Variants in B3GALT1 observed in about 807,000 individuals in gnomAD.
B3GALT1 encodes the protein UDP-Gal:betaGlcNAc beta 1,3-galactosyltransferase, polypeptide 1.
B3GALT1 carries 10 observed loss-of-function variants against 23.2 expected under a neutral mutation model. The ratio of observed to expected loss-of-function variants is 0.43; its 90% CI spans 0.27 to 0.73. The LOEUF (loss-of-function observed/expected upper bound fraction) is 0.73, where lower values mean the gene tolerates loss of function less well. Ranked by LOEUF, B3GALT1 falls within the 30% of genes least tolerant of loss-of-function variation. The pLI is 0.21. For synonymous variants in B3GALT1, 156 were observed against 141.5 expected (o/e 1.10, Z -0.73); for missense variants, 299 against 405.4 (o/e 0.74, Z 2.25).
intron 3 of B3GALT1, among the ~76,000 whole-genome samples, chr2:167,690,983 A>T (rs1326404934): frequency 6.6e-6 from 1 of 152,166 alleles, no homozygotes; most frequent in African/African-American, 2.4e-5. Context: ...CATAGTTTTT[A>T]AACGGGAAAT....
intron 1 of B3GALT1, among the ~76,000 whole-genome samples, chr2:167,318,937 A>T (rs1234424426): frequency 6.6e-6 from 1 of 152,170 alleles, no homozygotes; most frequent in Non-Finnish European, 1.5e-5. Flanking sequence ...GCAGGGGCCC[A>T]TTCCCTGAGG....
At chr2:167,729,347 A>G (rs900157448) in intron 3 of B3GALT1, among the ~76,000 whole-genome samples, 12 of 152,200 alleles carry the variant, frequency 7.9e-5, no homozygotes, top group African/African-American at 2.7e-4. Context: ...ACTCATTACT[A>G]TGCTTCCCCT....
intron 1 of B3GALT1, among the ~76,000 whole-genome samples, chr2:167,301,901 G>A (rs1266714337): frequency 6.6e-6 from 1 of 152,094 alleles, no homozygotes; most frequent in Non-Finnish European, 1.5e-5. Flanking sequence ...AATAGCAGAA[G>A]GGAAAAATGT....
chr2:167,601,303 T>G (rs1051984130), intron 2 of B3GALT1, among the ~76,000 whole-genome samples: 4 of 152,148 alleles, frequency 2.6e-5, no homozygotes, highest in Non-Finnish European at 2.9e-5. Context: ...TGCTTTGGCC[T>G]CCCAAAGTGC....
chr2:167,606,975 A>G (rs1684971810), intron 2 of B3GALT1, among the ~76,000 whole-genome samples: 1 of 152,162 alleles, frequency 6.6e-6, no homozygotes, highest in Non-Finnish European at 1.5e-5. Flanking sequence ...ACATGAAGGC[A>G]TGGAGGTGGA....
At chr2:167,591,766 C>T (rs1684686512) in intron 2 of B3GALT1, among the ~76,000 whole-genome samples, 1 of 152,090 alleles carries the variant, frequency 6.6e-6, no homozygotes, top group South Asian at 2.1e-4. Context: ...AGCCACTGCA[C>T]CTGGCCTGAC....
At chr2:167,670,740 A>T (rs1349866598) in intron 3 of B3GALT1, among the ~76,000 whole-genome samples, 1 of 152,210 alleles carries the variant, frequency 6.6e-6, no homozygotes, top group African/African-American at 2.4e-5. Flanking sequence ...TCTGAAGCTG[A>T]AAAATAGAGT....
chr2:167,403,391 A>G (rs183942409), intron 1 of B3GALT1, among the ~76,000 whole-genome samples: 111 of 151,928 alleles, frequency 7.3e-4, no homozygotes, highest in Admixed American at 7.3e-3. Flanking sequence ...CATGGTGTGT[A>G]TGTGCCACGT....
chr2:167,846,261 T>G (rs1448601032), intron 4 of B3GALT1, among the ~76,000 whole-genome samples: 1 of 152,090 alleles, frequency 6.6e-6, no homozygotes, highest in East Asian at 1.9e-4. Context: ...TCCTGGAAAT[T>G]GATCGCAGAA....
rs77892275 is a variant in B3GALT1 at position 167,418,408 on chromosome 2, G to T, written c.-510-71769G>T. 1.9e-3 allele frequency among the ~76,000 whole-genome samples: 286 copies of T among 150,538 alleles called. 3 individuals carry two copies. In the East Asian group the frequency reaches 0.033, roughly 17 times the overall value. ...GGGCTTAAGGCATGTGTGGGGAAAG[G>T]ATGATGAAAAAAAAAAAAGAGCTCA... On this transcript the variant is annotated intron_variant, in intron 1 of 4. Transcript: ENST00000392690.
intron 1 of B3GALT1, among the ~76,000 whole-genome samples, chr2:167,362,281 T>C (rs138997438): frequency 8.1e-4 from 123 of 152,324 alleles, no homozygotes; most frequent in African/African-American, 2.9e-3. Context: ...TACATCAAAA[T>C]ATAAATGGAA....
intron 1 of B3GALT1, among the ~76,000 whole-genome samples, chr2:167,387,463 T>G (rs769263508): frequency 7.2e-5 from 11 of 152,168 alleles, no homozygotes; most frequent in Non-Finnish European, 1.6e-4. Context: ...TTTTATACAT[T>G]CAACTGCAAA....
At chr2:167,756,935 G>A (rs1192047907) in intron 3 of B3GALT1, among the ~76,000 whole-genome samples, 1 of 152,102 alleles carries the variant, frequency 6.6e-6, no homozygotes, top group Non-Finnish European at 1.5e-5. Context: ...AGGAGGTGGT[G>A]GGATGGAGCA....
intron 1 of B3GALT1, among the ~76,000 whole-genome samples, chr2:167,363,846 A>G (rs1300993105): frequency 6.6e-6 from 1 of 152,094 alleles, no homozygotes; most frequent in Non-Finnish European, 1.5e-5. Context: ...CACTGAATCC[A>G]TCATGTTGTC....
At chr2:167,509,618 C>T (rs1574109694) in intron 2 of B3GALT1, among the ~76,000 whole-genome samples, 1 of 152,202 alleles carries the variant, frequency 6.6e-6, no homozygotes, top group South Asian at 2.1e-4. Flanking sequence ...GTAAACAAGC[C>T]ATGCAGAAAT....
At chr2:167,622,900 A>C (rs1685283170) in intron 2 of B3GALT1, among the ~76,000 whole-genome samples, 1 of 152,132 alleles carries the variant, frequency 6.6e-6, no homozygotes, top group Admixed American at 6.6e-5. Flanking sequence ...AGTTACAAAA[A>C]TGACTATGGA....
chr2:167,763,390 A>C (rs1687925003), intron 3 of B3GALT1, among the ~76,000 whole-genome samples: 2 of 152,236 alleles, frequency 1.3e-5, no homozygotes, highest in South Asian at 4.1e-4. Flanking sequence ...AAAAGTAAAC[A>C]CTTTGGAAGG....
chr2:167,514,225 A>G (rs1700069377), intron 2 of B3GALT1, among the ~76,000 whole-genome samples: 1 of 152,220 alleles, frequency 6.6e-6, no homozygotes, highest in South Asian at 2.1e-4. Flanking sequence ...TTTAAACTTT[A>G]AAATAATTTT....
At chr2:167,840,098 C>T (rs1384159612) in intron 4 of B3GALT1, among the ~76,000 whole-genome samples, 3 of 152,204 alleles carry the variant, frequency 2.0e-5, no homozygotes, top group Non-Finnish European at 2.9e-5. Context: ...CTAGGCATTA[C>T]CATTCAGGAC....
Sources: gnomAD v4.1 joint callset for allele counts (sites outside exome capture counted in the v4.1 genomes callset) on GRCh38, gnomAD v4.1.1 for gene constraint, MANE v1.5 for transcripts, NCBI Gene and HGNC (gene_info 2026-07-23, HGNC 2026-07-21) for gene names.